TMEM245: variants seen among roughly 807,000 people sequenced by gnomAD.
The protein encoded by TMEM245 is protein CG-2.
TMEM245 carries 69 observed loss-of-function variants against 101.2 expected under a neutral mutation model. That is an observed-to-expected ratio of 0.68 (90% CI 0.56 to 0.83). The LOEUF (loss-of-function observed/expected upper bound fraction) is 0.83. Ranked by LOEUF, TMEM245 falls within the 40% of genes least tolerant of loss-of-function variation. The probability of loss-of-function intolerance (pLI) is 0.00; values close to 1 mark genes in which losing one functional copy is unlikely to be tolerated. For synonymous variants in TMEM245, 537 were observed against 449.8 expected, an observed-to-expected ratio of 1.19 and a Z score of -2.45; for missense variants, 1,075 against 1,092.8, an observed-to-expected ratio of 0.98 and a Z score of 0.23.
chr9:109,070,617 C>T (rs1256381508), intron 9 of TMEM245, among the ~76,000 whole-genome samples: 1 of 152,026 alleles, frequency 6.6e-6, no homozygotes, highest in African/African-American at 2.4e-5. Flanking sequence ...CTTTTCTCCA[C>T]AAAGCAGCTG....
chr9:109,109,157 T>C (rs1830504571), intron 1 of TMEM245, among the ~76,000 whole-genome samples: 1 of 152,092 alleles, frequency 6.6e-6, no homozygotes, highest in South Asian at 2.1e-4. Context: ...GCTGAAGAAG[T>C]GTGCCTGAAA....
chr9:109,096,122 A>G (rs72760363), intron 3 of TMEM245, among the ~76,000 whole-genome samples: 22,011 of 152,172 alleles, frequency 0.14, 1,796 homozygotes, highest in African/African-American at 0.2. Context: ...TAGAGAATAT[A>G]TAGCAGAGCT....
In TMEM245 at chr9:109,119,909, G is replaced by A. The variant is rs1333792106; in HGVS notation, c.5C>T (p.Ala2Val). 1 of 1,276,030 alleles carries A rather than the reference G, an allele frequency of 7.8e-7. No individual in the cohort carries two copies. Among genetic ancestry groups the A allele is most frequent in the Non-Finnish European group, 9.8e-7 (1 of 1,016,048 alleles). The allele number at this position is 1,276,030 out of a possible 1,614,324, so 79.0% of individuals were successfully genotyped here. The change falls in exon 1 of 18, where the codon GCC (alanine) becomes GTC (valine). Residue 2 changes from alanine to valine, a missense_variant. Transcript: ENST00000374586. Reference sequence around the variant, plus strand: ...CGCGTCCTTAGGGCCGCCGCCGTCGGCCATCGTTCCTCCGCCACAGCCGCC... The same window carrying A: ...CGCGTCCTTAGGGCCGCCGCCGTCGACCATCGTTCCTCCGCCACAGCCGCC... M[A>V]DGGGPKDAPS...
At chr9:109,023,214 G>A (rs1172256317) in intron 17 of TMEM245, among the ~76,000 whole-genome samples, 3 of 152,204 alleles carry the variant, frequency 2.0e-5, no homozygotes, top group African/African-American at 7.2e-5. Context: ...TAGGGTGATT[G>A]ATGGAGGGGG....
chr9:109,093,519 C>T lies in TMEM245; in HGVS notation c.872G>A (p.Gly291Glu). 1.2e-6 allele frequency: 2 copies of T among 1,614,024 alleles called. No homozygotes were observed. The highest frequency in any genetic ancestry group is 1.1e-5 in the South Asian group (1 of 91,064). The part of the protein sequence containing the change: ...TLANLAISIT[G>E]YESSSEDQPS... ...CTGGTCTTCACTGCTTGATTCATAC[C>T]CTGTGATAGAGATGGCCAAGTTTGC... Residue 291 changes from glycine (G) to glutamate (E), a missense_variant, in exon 4 of 18, where the codon GGG becomes GAG. Transcript: ENST00000374586.
chr9:109,063,234 C>G (rs1298622434), intron 10 of TMEM245, among the ~76,000 whole-genome samples: 1 of 148,616 alleles, frequency 6.7e-6, no homozygotes, highest in Non-Finnish European at 1.5e-5. Flanking sequence ...ATTCTCCTGC[C>G]TCAGCCTCCT....
intron 3 of TMEM245, among the ~76,000 whole-genome samples, chr9:109,094,164 G>C (rs1006914779): frequency 2.6e-5 from 4 of 152,150 alleles, no homozygotes; most frequent in African/African-American, 9.7e-5. Flanking sequence ...ATATTTCCAT[G>C]TTAAATTCCT....
rs578188470 is a variant in TMEM245 at position 109,118,808 on chromosome 9, T to G, written c.579+527A>C. ...GGCAGCACCAGCCAGTGAAGCAAGCTTTGTTTTAGGACTTGTAAGAAATCT... is the reference window on the plus strand; with the variant it reads ...GGCAGCACCAGCCAGTGAAGCAAGCGTTGTTTTAGGACTTGTAAGAAATCT... On this transcript the variant is annotated intron_variant, in intron 1 of 17. Transcript: ENST00000374586. 1.1e-4 allele frequency among the ~76,000 whole-genome samples: 17 copies of G among 152,338 alleles called. No individual in the cohort carries two copies. The East Asian group carries it at 3.1e-3, about 28-fold the overall frequency.
chr9:109,108,428 A>C, intron 2 of TMEM245, 25 bp downstream of exon 2: 1 of 1,369,746 alleles, frequency 7.3e-7, no homozygotes, highest in South Asian at 1.4e-5. Flanking sequence ...CTTAAAAAAA[A>C]AAAAAAAAAA....
At chr9:109,022,054 A>T (rs921399547) in intron 17 of TMEM245, among the ~76,000 whole-genome samples, 2 of 152,144 alleles carry the variant, frequency 1.3e-5, no homozygotes, top group African/African-American at 4.8e-5. Context: ...AATTCATATA[A>T]ATATTTAGGA....
chr9:109,116,671 T>C (rs1179041538), intron 1 of TMEM245, among the ~76,000 whole-genome samples: 1 of 151,940 alleles, frequency 6.6e-6, no homozygotes, highest in Non-Finnish European at 1.5e-5. Flanking sequence ...GGACCACAGG[T>C]GTGCGCCACC....
chr9:109,095,472 A>G (rs1353116485), intron 3 of TMEM245, among the ~76,000 whole-genome samples: 3 of 152,202 alleles, frequency 2.0e-5, no homozygotes, highest in African/African-American at 7.2e-5. Context: ...GGCATATTAA[A>G]GACAGTGAAA....
At chr9:109,048,407 A>G (rs927008789) in intron 14 of TMEM245, among the ~76,000 whole-genome samples, 1 of 152,154 alleles carries the variant, frequency 6.6e-6, no homozygotes, top group Non-Finnish European at 1.5e-5. Context: ...AAAATATACC[A>G]AGATCAATCA....
intron 16 of TMEM245, 197 bp downstream of exon 16, chr9:109,036,008 AC>A (rs1308037157): frequency 1.6e-4 from 36 of 225,600 alleles, no homozygotes; most frequent in South Asian, 7.4e-4. Context: ...AAAAAAAAAA[AC>A]CCCAAAATAT....
chr9:109,066,981 A>G (rs1448173854), intron 9 of TMEM245, among the ~76,000 whole-genome samples: 2 of 150,550 alleles, frequency 1.3e-5, no homozygotes, highest in East Asian at 2.0e-4. Context: ...GCTTGAACCC[A>G]GGAGGCAGAG....
At chr9:109,104,074 G>A (rs1373319540) in intron 3 of TMEM245, among the ~76,000 whole-genome samples, 1 of 151,802 alleles carries the variant, frequency 6.6e-6, no homozygotes, top group East Asian at 1.9e-4. Context: ...AACAGAACGA[G>A]ACTCCATCTC....
intron 1 of TMEM245, among the ~76,000 whole-genome samples, chr9:109,114,669 C>T (rs894716804): frequency 6.6e-6 from 1 of 152,176 alleles, no homozygotes; most frequent in Non-Finnish European, 1.5e-5. Flanking sequence ...CTGCAAAAAA[C>T]TAAATGGTCT....
chr9:109,060,334 CT>C lies in TMEM245; in HGVS notation c.1722+19del, dbSNP rs1252014740. The stretch of plus-strand genomic sequence containing the variant: ...GACTTTATTAGTTTACAACAGGAAA[CT>C]TTAGCTAAAATAACTTACCTTTACA... On this transcript the variant is annotated intron_variant, in intron 11 of 17. Transcript: ENST00000374586. 4 of 1,572,114 alleles carry C rather than the reference CT, an allele frequency of 2.5e-6. No homozygotes were observed. In the African/African-American group the frequency reaches 4.1e-5, roughly 16 times the overall value.
chr9:109,046,119 C>T (rs958568258), intron 14 of TMEM245: 44 of 312,718 alleles, frequency 1.4e-4, no homozygotes, highest in South Asian at 3.2e-4. Context: ...AAATGAGAAT[C>T]GCATGGCATA....
Sources: gnomAD v4.1 joint callset for allele counts (sites outside exome capture counted in the v4.1 genomes callset) on GRCh38, gnomAD v4.1.1 for gene constraint, MANE v1.5 for transcripts, NCBI Gene and HGNC (gene_info 2026-07-23, HGNC 2026-07-21) for gene names.